MYO1E: variants seen among roughly 807,000 people sequenced by gnomAD.
The protein encoded by MYO1E is unconventional myosin-Ie.
Under a neutral mutation model 151.1 loss-of-function variants are expected in MYO1E, and 68 were observed. That is an observed-to-expected ratio of 0.45 (90% CI 0.37 to 0.55). The LOEUF is 0.55. MYO1E is among the 20% of genes least tolerant of loss of function. MYO1E has a pLI of 0.00. For synonymous variants in MYO1E, 601 were observed against 501.7 expected, an observed-to-expected ratio of 1.20 and a Z score of -2.64; for missense variants, 1,363 against 1,389.3, an observed-to-expected ratio of 0.98 and a Z score of 0.30.
At chr15:59,279,021 G>C (rs1434686319) in intron 1 of MYO1E, among the ~76,000 whole-genome samples, 1 of 152,062 alleles carries the variant, frequency 6.6e-6, no homozygotes, top group Non-Finnish European at 1.5e-5. Flanking sequence ...AATGAATATG[G>C]AGTATGTGCT....
intron 22 of MYO1E, among the ~76,000 whole-genome samples, 171 bp from the exon 23 acceptor site, chr15:59,163,474 T>C (rs2079549117): frequency 1.3e-5 from 2 of 152,160 alleles, no homozygotes; most frequent in Non-Finnish European, 2.9e-5. Context: ...AATTACATAA[T>C]GAAATTGCTG....
intron 1 of MYO1E, among the ~76,000 whole-genome samples, chr15:59,312,858 A>AAATAATAATAATAATAAT (rs35710505): frequency 3.3e-5 from 5 of 150,540 alleles, no homozygotes; most frequent in African/African-American, 1.2e-4. Flanking sequence ...ACTCTACTAA[A>AAATAATAATAATAATAAT]AATAATAATA....
intron 4 of MYO1E, among the ~76,000 whole-genome samples, chr15:59,248,553 T>G (rs1330128087): frequency 6.8e-6 from 1 of 147,160 alleles, no homozygotes; most frequent in African/African-American, 2.5e-5. Flanking sequence ...TGTCTGCCAG[T>G]GGGCTGAGGA....
intron 2 of MYO1E, among the ~76,000 whole-genome samples, chr15:59,270,568 A>T (rs1331004050): frequency 2.6e-5 from 4 of 151,860 alleles, no homozygotes; most frequent in African/African-American, 9.7e-5. Context: ...AAGAAAAGAA[A>T]AAAGAAAAAA....
chr15:59,333,520 G>A (rs1201116357), intron 1 of MYO1E, among the ~76,000 whole-genome samples: 1 of 152,190 alleles, frequency 6.6e-6, no homozygotes, highest in Non-Finnish European at 1.5e-5. Context: ...TAGGCTATAG[G>A]TGAGAGCGAG....
Position 59,221,038 on chromosome 15 carries a change from A to G in MYO1E, c.910+2021T>C, listed in dbSNP as rs185504891. On this transcript the variant is annotated intron_variant, in intron 9 of 27. Transcript: ENST00000288235. ...TATATATAAAATTTATATATATATTATATATATATACACACACATAATTTT... is the reference window on the plus strand; with the variant it reads ...TATATATAAAATTTATATATATATTGTATATATATACACACACATAATTTT... 7.9e-3 allele frequency among the ~76,000 whole-genome samples: 1,141 copies of G among 145,072 alleles called. 12 individuals are homozygous for G. Among genetic ancestry groups the G allele is most frequent in the African/African-American group, 0.027 (1,082 of 39,900 alleles).
intron 1 of MYO1E, among the ~76,000 whole-genome samples, chr15:59,314,437 G>A (rs1234279122): frequency 6.6e-6 from 1 of 152,128 alleles, no homozygotes; most frequent in Non-Finnish European, 1.5e-5. Flanking sequence ...CTATTGAGTT[G>A]CCTGCCCTGA....
At chr15:59,168,809 T>G (rs146098024) in intron 22 of MYO1E, among the ~76,000 whole-genome samples, 2 of 152,198 alleles carry the variant, frequency 1.3e-5, no homozygotes, top group African/African-American at 4.8e-5. Context: ...TTTGTAGAGA[T>G]GGGTTCTTAC....
At chr15:59,191,164 CAA>C (rs1287689843) in intron 17 of MYO1E, among the ~76,000 whole-genome samples, 4 of 152,010 alleles carry the variant, frequency 2.6e-5, no homozygotes, top group East Asian at 1.9e-4. Flanking sequence ...CCTCTGTGTG[CAA>C]AGAGTTAAGC....
intron 1 of MYO1E, among the ~76,000 whole-genome samples, chr15:59,359,084 C>T (rs1329579142): frequency 2.0e-5 from 3 of 151,852 alleles, no homozygotes; most frequent in Non-Finnish European, 2.9e-5. Flanking sequence ...AAGTGGTCTC[C>T]AGGATACTTC....
At chr15:59,218,516 G>A (rs2140346234) in intron 9 of MYO1E, among the ~76,000 whole-genome samples, 1 of 152,294 alleles carries the variant, frequency 6.6e-6, no homozygotes, top group South Asian at 2.1e-4. Flanking sequence ...TGTTTTCATA[G>A]CATCATTTTT....
intron 1 of MYO1E, among the ~76,000 whole-genome samples, chr15:59,315,721 A>G (rs574844382): frequency 1.3e-5 from 2 of 152,318 alleles, no homozygotes; most frequent in South Asian, 4.1e-4. Flanking sequence ...ATGATTAGTT[A>G]AAATGATCAC....
chr15:59,153,363 T>C (rs1210719772), intron 26 of MYO1E, among the ~76,000 whole-genome samples: 1 of 152,206 alleles, frequency 6.6e-6, no homozygotes, highest in Non-Finnish European at 1.5e-5. Context: ...GTTTCCAAGA[T>C]AAGCCCTCTC....
intron 2 of MYO1E, among the ~76,000 whole-genome samples, chr15:59,267,459 G>T (rs2080263122): frequency 1.3e-5 from 2 of 152,216 alleles, no homozygotes; most frequent in Non-Finnish European, 2.9e-5. Context: ...AGAGTGGGTG[G>T]CCTGGAACTC....
chr15:59,301,058 G>A (rs2140403697), intron 1 of MYO1E, among the ~76,000 whole-genome samples: 1 of 151,926 alleles, frequency 6.6e-6, no homozygotes, highest in East Asian at 1.9e-4. Flanking sequence ...AGTAGACATG[G>A]TGCTTCACCA....
At chr15:59,174,337 T>C (rs1683715480) in intron 19 of MYO1E, 97 bp from the exon 20 acceptor site, 6 of 856,046 alleles carry the variant, frequency 7.0e-6, no homozygotes, top group African/African-American at 3.3e-5. Flanking sequence ...GTTTAGACAA[T>C]GACACACACG....
intron 1 of MYO1E, among the ~76,000 whole-genome samples, chr15:59,370,626 T>A (rs2080939143): frequency 6.6e-6 from 1 of 152,230 alleles, no homozygotes; most frequent in African/African-American, 2.4e-5. Flanking sequence ...CCCTACAGCA[T>A]GCCTTCTTCG....
At chr15:59,142,599 C>T (rs2079416932) in intron 26 of MYO1E, among the ~76,000 whole-genome samples, 1 of 152,168 alleles carries the variant, frequency 6.6e-6, no homozygotes, top group Admixed American at 6.5e-5. Flanking sequence ...CATCCTCAAC[C>T]TGAAAATCTT....
In MYO1E at chr15:59,135,088, G is replaced by A. The variant is rs1246106252; in HGVS notation, c.*2292C>T. ...TTTCAGCATCTCTACGCAGATCTAA[G>A]TCTCCTTCCCCTGTGGGTCACTTAC... On this transcript the variant is annotated 3_prime_UTR_variant, in exon 28 of 28. Coordinates refer to ENST00000288235, the MANE Select transcript of MYO1E (RefSeq NM_004998.4). 6.6e-6 allele frequency: 1 copy of A among 152,134 alleles called. No individual in the cohort carries two copies. Among genetic ancestry groups the A allele is most frequent in the African/African-American group, 2.4e-5 (1 of 41,414 alleles). The allele number at this position is 152,134 out of a possible 1,614,324, so 9.4% of individuals were successfully genotyped here.
Sources: allele counts gnomAD v4.1 joint callset (sites outside exome capture counted in the v4.1 genomes callset), GRCh38; gene constraint gnomAD v4.1.1; transcripts MANE v1.5; gene names NCBI Gene and HGNC (gene_info 2026-07-23, HGNC 2026-07-21).